Variants in TBX21 observed in about 807,000 individuals in gnomAD.
TBX21 encodes the protein T-box transcription factor 21.
TBX21 carries 11 observed loss-of-function variants against 52.2 expected under a neutral mutation model. The observed-to-expected ratio is 0.21, with a 90% CI of 0.13 to 0.35. The LOEUF (loss-of-function observed/expected upper bound fraction) is 0.35, where lower values mean the gene tolerates loss of function less well. TBX21 is among the 10% of genes least tolerant of loss of function. TBX21 has a pLI of 1.00. For missense variants in TBX21, 625 were observed against 755.1 expected (o/e 0.83, Z 2.02); for synonymous variants, 300 against 316.1 (o/e 0.95, Z 0.54).
At chr17:47,735,721 G>A (rs549903361) in intron 1 of TBX21, among the ~76,000 whole-genome samples, 2 of 152,208 alleles carry the variant, frequency 1.3e-5, no homozygotes, top group Non-Finnish European at 1.5e-5. Context: ...TTCACTGTGC[G>A]TTAGGTAGGC....
intron 1 of TBX21, among the ~76,000 whole-genome samples, chr17:47,737,235 TG>T (rs1186223757): frequency 6.6e-6 from 1 of 152,078 alleles, no homozygotes; most frequent in Non-Finnish European, 1.5e-5. Context: ...GTGTTGCGAA[TG>T]TGTTGGCGAG....
chr17:47,744,708 C>T (rs751145740), intron 5 of TBX21, 40 bp from the exon 6 acceptor site: 2 of 1,598,738 alleles, frequency 1.3e-6, no homozygotes, highest in African/African-American at 1.3e-5. Flanking sequence ...GTGACTGGTT[C>T]TGCTTGTGAC....
At chr17:47,743,500 T>G (rs1052075205) in intron 3 of TBX21, among the ~76,000 whole-genome samples, 1 of 152,166 alleles carries the variant, frequency 6.6e-6, no homozygotes, top group Non-Finnish European at 1.5e-5. Context: ...GGGTTGCCAT[T>G]GCTCCGGCAC....
chr17:47,743,790 G>T (rs962080832), intron 3 of TBX21, among the ~76,000 whole-genome samples: 42 of 149,470 alleles, frequency 2.8e-4, no homozygotes, highest in African/African-American at 9.7e-4. Flanking sequence ...GGAGGCAGGA[G>T]AATCGCTTGA....
intron 1 of TBX21, 75 bp downstream of exon 1, chr17:47,734,020 T>A (rs1460057884): frequency 6.2e-7 from 1 of 1,603,496 alleles, no homozygotes; most frequent in Non-Finnish European, 8.5e-7. Context: ...TTTTTCTGGC[T>A]CGACAATGCT....
chr17:47,738,904 A>G (rs1405956931), intron 1 of TBX21, among the ~76,000 whole-genome samples: 1 of 152,158 alleles, frequency 6.6e-6, no homozygotes, highest in Non-Finnish European at 1.5e-5. Context: ...CCGGGCCAAT[A>G]TTATCAATTT....
Position 47,742,879 on chromosome 17 carries a change from C to A in TBX21, c.646+115C>A. ...GACCTTTAACCCCCTCCCACTCCAT[C>A]CCACGCCATTGCATCCCTCCTGTTT... On this transcript the variant is annotated intron_variant, in intron 2 of 5. Coordinates refer to ENST00000177694, the MANE Select transcript of TBX21 (RefSeq NM_013351.2). The surrounding 1 kb of genome is among the most constrained non-coding windows in gnomAD (Gnocchi z 4.4). The A allele has an allele frequency of 6.8e-7, 1 of 1,466,068 alleles. No homozygotes were observed. The highest frequency in any genetic ancestry group is 9.0e-7 in the Non-Finnish European group (1 of 1,105,606). 90.8% of individuals were successfully genotyped at this position (1,466,068 alleles called of 1,614,324 possible). A position where few individuals can be genotyped will look rare whatever the true frequency, so the allele number is the denominator to read the frequency against.
At chr17:47,744,661 G>A (rs2032307467) in intron 5 of TBX21, 87 bp from the exon 6 acceptor site, 5 of 1,599,572 alleles carry the variant, frequency 3.1e-6, no homozygotes, top group Admixed American at 1.7e-5. Context: ...GGGAAGGAGG[G>A]TCGGAGAAGG....
At chr17:47,741,938 C>T (rs547157553) in intron 1 of TBX21, among the ~76,000 whole-genome samples, 16 of 152,212 alleles carry the variant, frequency 1.1e-4, no homozygotes, top group East Asian at 1.9e-4. Context: ...AACACAGAGC[C>T]GGGAAGAGAC....
rs1227126222 is a variant in TBX21, at chr17:47,742,031, C to T, written c.492-579C>T. Among the ~76,000 whole-genome samples the T allele has an allele frequency of 2.6e-5, 4 of 151,786 alleles. No individual in the cohort carries two copies. The highest frequency in any genetic ancestry group is 2.1e-4 in the South Asian group (1 of 4,796). ...CTCGACAGTGCAGACAATAGTAAAA[C>T]GTAAAATAACTGGGCAGTGATGATT... On this transcript the variant is annotated intron_variant, in intron 1 of 5. Transcript: ENST00000177694. This position sits in a 1 kb window ranked among gnomAD's most constrained non-coding sequence, Gnocchi z 4.4.
rs774133978 is a variant in TBX21, at chr17:47,733,748, C to T, written c.294C>T (p.Asp98=). ...GAGESFPPPA[D]AEGYQPGEGY... ...GCGAGTCCTTCCCGCCGCCCGCGGA[C>T]GCCGAGGGCTACCAGCCGGGCGAGG... The change falls in exon 1 of 6, where the codon GAC becomes GAT. Residue 98 remains aspartate (D), a synonymous_variant. Coordinates refer to ENST00000177694, the MANE Select transcript of TBX21 (RefSeq NM_013351.2). The surrounding 1 kb of genome is among the most constrained non-coding windows in gnomAD (Gnocchi z 6.6). The T allele has an allele frequency of 1.1e-4, 159 of 1,458,584 alleles. 2 individuals carry two copies. The African/African-American group carries it at 1.4e-3, about 13-fold the overall frequency. 90.4% of individuals were successfully genotyped at this position (1,458,584 alleles called of 1,614,324 possible). A position where few individuals can be genotyped will look rare whatever the true frequency, so the allele number is the denominator to read the frequency against.
At chr17:47,735,431 T>A (rs2032197529) in intron 1 of TBX21, among the ~76,000 whole-genome samples, 1 of 152,104 alleles carries the variant, frequency 6.6e-6, no homozygotes, top group Non-Finnish European at 1.5e-5. Context: ...CCTTTGGGTG[T>A]ACCCAGACAC....
rs931201501 is a variant in TBX21 at position 47,744,969 on chromosome 17, T to C, written c.1211T>C (p.Met404Thr). The C allele has an allele frequency of 8.7e-6, 14 of 1,613,864 alleles. No individual in the cohort carries two copies. The highest frequency in any genetic ancestry group is 6.7e-5 in the African/African-American group (5 of 74,946). Residue 404 changes from methionine (M) to threonine (T), a missense_variant, in exon 6 of 6, where the codon ATG becomes ACG. Physicochemically the swap from Met to Thr is moderately conservative, Grantham distance 81 (BLOSUM62 -1). Transcript: ENST00000177694. The stretch of plus-strand genomic sequence containing the variant: ...GAGGCTGAGTTTCGAGCAGTCAGCA[T>C]GAAGCCTGCATTCTTGCCCTCTGCC... Reference protein sequence around the residue: ...SYEAEFRAVSMKPAFLPSAPG... With the variant: ...SYEAEFRAVSTKPAFLPSAPG...
intron 3 of TBX21, among the ~76,000 whole-genome samples, chr17:47,743,864 A>G (rs946406622): frequency 1.4e-5 from 2 of 142,956 alleles, no homozygotes; most frequent in African/African-American, 5.3e-5. Flanking sequence ...TGGGTGACAG[A>G]GTGAGACTCC....
At chr17:47,735,516 A>G (rs1444735022) in intron 1 of TBX21, among the ~76,000 whole-genome samples, 1 of 152,194 alleles carries the variant, frequency 6.6e-6, no homozygotes, top group East Asian at 1.9e-4. Flanking sequence ...CTGCACAGAC[A>G]GGGAAACAGG....
intron 1 of TBX21, among the ~76,000 whole-genome samples, chr17:47,740,304 GA>G (rs1250446377): frequency 3.6e-4 from 55 of 152,208 alleles, no homozygotes; most frequent in African/African-American, 1.3e-3. Flanking sequence ...CTGAGCTCAG[GA>G]AATCCACCCT....
At chr17:47,737,630 CT>C (rs767560904) in intron 1 of TBX21, among the ~76,000 whole-genome samples, 299 of 145,296 alleles carry the variant, frequency 2.1e-3, no homozygotes, top group Middle Eastern at 3.6e-3. Context: ...CTTTCTACAT[CT>C]TTTTTTTTTT....
chr17:47,736,794 C>T (rs1037044755), intron 1 of TBX21, among the ~76,000 whole-genome samples: 2 of 152,232 alleles, frequency 1.3e-5, no homozygotes, highest in East Asian at 1.9e-4. Context: ...TGTGGGCTGG[C>T]CTATCCCTCC....
In TBX21 at chr17:47,733,281, C is replaced by A; in HGVS notation, c.-174C>A. ...GAGGAAGCCCGAGAGCTGCCGCGCG[C>A]CTGCCGGACGAGGGCGTAGAAGCCA... On this transcript the variant is annotated 5_prime_UTR_variant, in exon 1 of 6. Transcript: ENST00000177694. The surrounding 1 kb of genome is among the most constrained non-coding windows in gnomAD (Gnocchi z 6.6). The A allele has an allele frequency of 1.1e-6, 1 of 892,206 alleles. No individual in the cohort carries two copies. The highest frequency in any genetic ancestry group is 1.5e-6 in the Non-Finnish European group (1 of 646,408). The allele number at this position is 892,206 out of a possible 1,614,324, so 55.3% of individuals were successfully genotyped here. A position where few individuals can be genotyped will look rare whatever the true frequency, so the allele number is the denominator to read the frequency against.
Sources: gnomAD v4.1 joint callset for allele counts (sites outside exome capture counted in the v4.1 genomes callset) on GRCh38, gnomAD v4.1.1 for gene constraint, Gnocchi (gnomAD v3.1) non-coding constraint, MANE v1.5 for transcripts, NCBI Gene and HGNC (gene_info 2026-07-23, HGNC 2026-07-21) for gene names.